Variants in ZNF341 observed in about 807,000 individuals in gnomAD.
ZNF341 encodes zinc finger protein 341.
Under a neutral mutation model 87.7 loss-of-function variants are expected in ZNF341, and 52 were observed. That is an observed-to-expected ratio of 0.59 (90% CI 0.47 to 0.75). The LOEUF (loss-of-function observed/expected upper bound fraction) is 0.75. Among genes scored for constraint, ZNF341 ranks in the 30% least tolerant of loss-of-function variants. ZNF341 has a pLI of 0.00. For missense variants in ZNF341, 977 were observed against 1,145.9 expected (o/e 0.85, Z 2.13); for synonymous variants, 459 against 472.7 (o/e 0.97, Z 0.38).
chr20:33,774,438 C>T (rs1189023315), intron 10 of ZNF341, among the ~76,000 whole-genome samples: 1 of 152,158 alleles, frequency 6.6e-6, no homozygotes, highest in Non-Finnish European at 1.5e-5. Flanking sequence ...ATCGCCACTG[C>T]ACTATTAACC....
At chr20:33,758,332 G>A (rs1272849705) in intron 6 of ZNF341, among the ~76,000 whole-genome samples, 1 of 152,152 alleles carries the variant, frequency 6.6e-6, no homozygotes, top group Non-Finnish European at 1.5e-5. Context: ...AGGTGCAAAG[G>A]CCCGGAGGCA....
intron 4 of ZNF341, among the ~76,000 whole-genome samples, chr20:33,749,804 G>A (rs1036985286): frequency 6.6e-6 from 1 of 150,952 alleles, no homozygotes; most frequent in African/African-American, 2.4e-5. Context: ...CCAGGCTGAA[G>A]TGCAGTGGTG....
chr20:33,744,199 C>T (rs1272363026), intron 2 of ZNF341, among the ~76,000 whole-genome samples: 1 of 151,028 alleles, frequency 6.6e-6, no homozygotes, highest in Non-Finnish European at 1.5e-5. Flanking sequence ...AGGAGAATCG[C>T]ATGAATATGG....
intron 10 of ZNF341, among the ~76,000 whole-genome samples, chr20:33,772,916 G>A (rs954500068): frequency 5.3e-5 from 8 of 152,314 alleles, no homozygotes; most frequent in Non-Finnish European, 1.2e-4. Flanking sequence ...GAGAGGCAGG[G>A]AAGCTGGGCA....
chr20:33,733,540 T>C (rs1313231179), intron 1 of ZNF341, among the ~76,000 whole-genome samples: 1 of 150,508 alleles, frequency 6.6e-6, no homozygotes, highest in Non-Finnish European at 1.5e-5. Context: ...CCCGGCCATT[T>C]TTTTGTATTT....
chr20:33,760,231 C>T (rs538286120), intron 7 of ZNF341, among the ~76,000 whole-genome samples: 4 of 151,988 alleles, frequency 2.6e-5, no homozygotes, highest in East Asian at 1.9e-4. Flanking sequence ...GGTGAAACCC[C>T]GTCTCTACTA....
chr20:33,742,112 G>A (rs1341777393), intron 2 of ZNF341, among the ~76,000 whole-genome samples: 4 of 152,184 alleles, frequency 2.6e-5, no homozygotes, highest in Non-Finnish European at 5.9e-5. Context: ...GCTGCAGCCC[G>A]GGATGGCTGC....
chr20:33,736,713 A>G (rs1459937530), intron 1 of ZNF341, among the ~76,000 whole-genome samples: 1 of 152,112 alleles, frequency 6.6e-6, no homozygotes, highest in Non-Finnish European at 1.5e-5. Flanking sequence ...TAAATTTTTT[A>G]CTGTTATACC....
chr20:33,752,870 C>G (rs1400566540), intron 4 of ZNF341, among the ~76,000 whole-genome samples: 1 of 151,862 alleles, frequency 6.6e-6, no homozygotes, highest in Non-Finnish European at 1.5e-5. Context: ...AAGGTTGTCT[C>G]GATCTCCTGA....
At chr20:33,752,164 C>T (rs549158463) in intron 4 of ZNF341, 4 of 471,560 alleles carry the variant, frequency 8.5e-6, no homozygotes, top group African/African-American at 4.2e-5. Context: ...TGATGATCAG[C>T]GATTAGTTCT....
At chr20:33,749,826 C>A (rs564261397) in intron 4 of ZNF341, among the ~76,000 whole-genome samples, 47 of 151,710 alleles carry the variant, frequency 3.1e-4, no homozygotes, top group African/African-American at 1.1e-3. Flanking sequence ...GATCTTGGCT[C>A]CCTGCAACTT....
In ZNF341 at chr20:33,770,387, A is replaced by G. The variant is rs983034157; in HGVS notation, c.1622+95A>G. 8.8e-6 allele frequency: 11 copies of G among 1,251,964 alleles called. No individual in the cohort carries two copies. The South Asian group carries it at 1.4e-4, about 16-fold the overall frequency. 77.6% of individuals were successfully genotyped at this position (1,251,964 alleles called of 1,614,324 possible). A position where few individuals can be genotyped will look rare whatever the true frequency, so the allele number is the denominator to read the frequency against. ...TTGGTGGTTCTGACTGCTTAGGACC[A>G]GTGAGATATTTGAAAGGAGAAACCG... On this transcript the variant is annotated intron_variant, in intron 10 of 14. Coordinates refer to ENST00000375200, the MANE Select transcript of ZNF341 (RefSeq NM_001282933.2).
In ZNF341 at chr20:33,753,174, C is replaced by A; in HGVS notation, c.492C>A (p.Ser164Arg). Residue 164 changes from serine to arginine, a missense_variant and splice_region_variant, in exon 5 of 15, where the codon AGC becomes AGA. Ser to Arg is a moderately radical substitution (Grantham distance 110, BLOSUM62 -1). This residue lies in a region of ZNF341 where 515 missense variants were observed against 598.2 expected (regional missense o/e 0.86). Transcript: ENST00000375200. Reference protein sequence around the residue: ...PMPQGPPPVQSSLNMHSVPSY... With the variant: ...PMPQGPPPVQRSLNMHSVPSY... ...CACTTTTTCTTTTCTGATTTCAGAG[C>A]AGCCTGAACATGCATTCCGTGCCCA... 6.2e-7 allele frequency: 1 copy of A among 1,612,104 alleles called. No individual in the cohort carries two copies. The highest frequency in any genetic ancestry group is 2.2e-5 in the East Asian group (1 of 44,878).
chr20:33,739,471 C>A (rs187572051), intron 1 of ZNF341, among the ~76,000 whole-genome samples: 1 of 152,108 alleles, frequency 6.6e-6, no homozygotes, highest in African/African-American at 2.4e-5. Context: ...AGTGACATGG[C>A]CAGACAGTGT....
chr20:33,778,288 T>C (rs1289920865), intron 10 of ZNF341, among the ~76,000 whole-genome samples: 1 of 151,940 alleles, frequency 6.6e-6, no homozygotes, highest in Non-Finnish European at 1.5e-5. Context: ...GCATTTAGTA[T>C]GTGGCTTCTT....
intron 10 of ZNF341, among the ~76,000 whole-genome samples, chr20:33,777,322 CAAA>C (rs71192713): frequency 2.1e-4 from 7 of 32,668 alleles, no homozygotes; most frequent in African/African-American, 6.8e-4. Context: ...GACCCTATCT[CAAA>C]AAAAAAAAAA....
At chr20:33,769,982 A>T in intron 9 of ZNF341, 102 bp from the exon 10 acceptor site, 1 of 729,232 alleles carries the variant, frequency 1.4e-6, no homozygotes, top group Admixed American at 2.2e-5. Context: ...AGCAGTGGTC[A>T]GATCATTTAC....
intron 10 of ZNF341, among the ~76,000 whole-genome samples, chr20:33,773,533 T>C (rs986373834): frequency 4.6e-5 from 7 of 152,294 alleles, no homozygotes; most frequent in Admixed American, 4.6e-4. Context: ...TGGATGACCT[T>C]GGGCAAGGTA....
intron 1 of ZNF341, among the ~76,000 whole-genome samples, chr20:33,740,210 A>G (rs569369815): frequency 6.6e-6 from 1 of 152,232 alleles, no homozygotes; most frequent in South Asian, 2.1e-4. Flanking sequence ...CTTATGATCC[A>G]GGATGGTGGA....
Sources: gnomAD v4.1 joint callset for allele counts (sites outside exome capture counted in the v4.1 genomes callset) on GRCh38, gnomAD v4.1.1 for gene constraint, gnomAD v4.1.1 regional missense constraint, MANE v1.5 for transcripts, NCBI Gene and HGNC (gene_info 2026-07-23, HGNC 2026-07-21) for gene names.